FAT3: variants seen among roughly 807,000 people sequenced by gnomAD.
The protein encoded by FAT3 is protocadherin Fat 3.
A neutral mutation model predicts 310.2 loss-of-function variants in FAT3; 95 were observed. That is an observed-to-expected ratio of 0.31 (90% CI 0.26 to 0.36). The LOEUF (loss-of-function observed/expected upper bound fraction) is 0.36, where lower values mean the gene tolerates loss of function less well. Ranked by LOEUF, FAT3 falls within the 10% of genes least tolerant of loss-of-function variation. The probability of loss-of-function intolerance (pLI) is 1.00; values close to 1 mark genes in which losing one functional copy is unlikely to be tolerated. For missense variants in FAT3, 5,408 were observed against 5,715.6 expected (o/e 0.95, Z 1.74); for synonymous variants, 2,314 against 2,192.9 (o/e 1.06, Z -1.54).
chr11:92,605,183 A>C (rs1940213351), intron 3 of FAT3, among the ~76,000 whole-genome samples: 1 of 152,148 alleles, frequency 6.6e-6, no homozygotes, highest in Non-Finnish European at 1.5e-5. Context: ...GAATTCCTAC[A>C]CACTACCTAC....
At chr11:92,873,527 G>A (rs988071872) in intron 22 of FAT3, among the ~76,000 whole-genome samples, 1 of 152,174 alleles carries the variant, frequency 6.6e-6, no homozygotes, top group African/African-American at 2.4e-5. Flanking sequence ...GCCATAACCT[G>A]GATGAATCAG....
intron 2 of FAT3, chr11:92,367,153 G>T (rs1044629640): frequency 2.6e-5 from 10 of 388,922 alleles, no homozygotes; most frequent in Non-Finnish European, 5.1e-5. Context: ...CTCGTGGCCT[G>T]CTGGGCTCAG....
intron 14 of FAT3, 51 bp from the exon 15 acceptor site, chr11:92,834,819 G>A: frequency 7.0e-6 from 10 of 1,420,844 alleles, no homozygotes; most frequent in Non-Finnish European, 9.6e-6. Context: ...TAGAATTGCT[G>A]ACCAGTGTTT....
chr11:92,824,348 C>T (rs1468248718), intron 13 of FAT3, among the ~76,000 whole-genome samples: 1 of 151,876 alleles, frequency 6.6e-6, no homozygotes, highest in Admixed American at 6.6e-5. Flanking sequence ...CAGAGTGAGA[C>T]TCTGTCTCAA....
intron 2 of FAT3, among the ~76,000 whole-genome samples, chr11:92,469,058 G>A (rs1481371607): frequency 6.6e-6 from 1 of 152,220 alleles, no homozygotes; most frequent in African/African-American, 2.4e-5. Context: ...TAATTTCTCA[G>A]CATGGGTTCA....
chr11:92,291,123 G>GCACA (rs1391202263), intron 1 of FAT3, among the ~76,000 whole-genome samples: 2,835 of 144,286 alleles, frequency 0.02, 51 homozygotes, highest in African/African-American at 0.044. Context: ...ACACATGCAC[G>GCACA]CGCGCAGAAG....
chr11:92,811,273 G>T (rs996731402), intron 13 of FAT3, among the ~76,000 whole-genome samples: 2 of 152,064 alleles, frequency 1.3e-5, no homozygotes, highest in Non-Finnish European at 2.9e-5. Context: ...ATGACTTTGG[G>T]GAAAGAGAAC....
At chr11:92,489,708 A>G (rs577138917) in intron 2 of FAT3, among the ~76,000 whole-genome samples, 24 of 152,126 alleles carry the variant, frequency 1.6e-4, no homozygotes, top group Admixed American at 3.9e-4. Flanking sequence ...ATATCAAACT[A>G]TATTAGTTCC....
At chr11:92,859,376 G>T (rs1591823080) in intron 21 of FAT3, 54 bp downstream of exon 21, 2 of 1,419,768 alleles carry the variant, frequency 1.4e-6, no homozygotes, top group South Asian at 1.6e-5. Flanking sequence ...TAGTGTTTTG[G>T]CTCTTGGATT....
At chr11:92,853,794 C>G (rs1948896694) in intron 19 of FAT3, among the ~76,000 whole-genome samples, 1 of 152,102 alleles carries the variant, frequency 6.6e-6, no homozygotes, top group African/African-American at 2.4e-5. Context: ...TTTATGGGCT[C>G]AGAAGAGAGG....
At chr11:92,696,525 C>G (rs1418191002) in intron 3 of FAT3, among the ~76,000 whole-genome samples, 1 of 152,160 alleles carries the variant, frequency 6.6e-6, no homozygotes, top group Non-Finnish European at 1.5e-5. Context: ...TGATTTTTCT[C>G]TGTTCCTCCA....
chr11:92,352,664 C>T lies in FAT3; in HGVS notation c.552C>T (p.Asp184=), dbSNP rs536537428. The T allele has an allele frequency of 1.4e-4, 226 of 1,613,766 alleles. 2 individuals carry two copies. The South Asian group carries it at 1.5e-3, about 11-fold the overall frequency. Residue 184 remains aspartate, a synonymous_variant, in exon 2 of 28, where the codon GAC becomes GAT. Transcript: ENST00000525166. ...RTSVAQVTAT[D]ADIGSNGEFY... ...GTGTTGCCCAGGTGACTGCAACAGA[C>T]GCAGATATTGGTTCCAATGGAGAAT...
Position 92,720,540 on chromosome 11 carries a change from T to G in FAT3, c.3669+23095T>G, listed in dbSNP as rs116590759. Among the ~76,000 whole-genome samples, 609 of 152,342 alleles carry G rather than the reference T, an allele frequency of 4.0e-3. 3 individuals carry two copies. The highest frequency in any genetic ancestry group is 0.014 in the African/African-American group (573 of 41,576). On this transcript the variant is annotated intron_variant, in intron 4 of 27. Transcript: ENST00000525166. ...TTTCATTGAAAAACATGTCTTAACA[T>G]AGTGAACTGTTTAGCATTTGGTGAA...
chr11:92,631,191 C>T (rs1398357130), intron 3 of FAT3, among the ~76,000 whole-genome samples: 1 of 152,156 alleles, frequency 6.6e-6, no homozygotes, highest in Non-Finnish European at 1.5e-5. Context: ...TTGAACTTTA[C>T]AGTGAGTTCC....
chr11:92,776,833 G>A (rs944764303), intron 7 of FAT3, among the ~76,000 whole-genome samples: 4 of 152,038 alleles, frequency 2.6e-5, no homozygotes, highest in African/African-American at 9.7e-5. Context: ...GTACATACTT[G>A]TATGTCATTG....
Position 92,835,064 on chromosome 11 carries a change from G to C in FAT3, c.10066G>C (p.Val3356Leu). 6.2e-7 allele frequency: 1 copy of C among 1,612,780 alleles called. No homozygotes were observed. Among genetic ancestry groups the C allele is most frequent in the South Asian group, 1.1e-5 (1 of 90,752 alleles). The change falls in exon 15 of 28, where the codon GTG becomes CTG. Residue 3356 changes from valine to leucine, a missense_variant. Physicochemically the swap from Val to Leu is conservative, Grantham distance 32 (BLOSUM62 1). Around this residue, in one of 5 missense-constraint regions of FAT3, gnomAD observed 4,588 missense variants for 4,809.8 expected, o/e 0.95. Coordinates refer to ENST00000525166, the MANE Select transcript of FAT3 (RefSeq NM_001367949.2). ...TGCGGTTATCAGTGAAGACGCCTTGGTGGGAGACTCTGTCATTTTGGTAGG... is the reference window on the plus strand; with the variant it reads ...TGCGGTTATCAGTGAAGACGCCTTGCTGGGAGACTCTGTCATTTTGGTAGG... ...YSAVISEDAL[V>L]GDSVILLIAE...
chr11:92,736,276 C>T (rs1393741890), intron 4 of FAT3, among the ~76,000 whole-genome samples: 1 of 152,130 alleles, frequency 6.6e-6, no homozygotes, highest in Non-Finnish European at 1.5e-5. Context: ...CCACAGCCTA[C>T]CAGTTTTGGG....
chr11:92,794,344 GT>G (rs1407349432), intron 9 of FAT3, among the ~76,000 whole-genome samples: 1 of 151,778 alleles, frequency 6.6e-6, no homozygotes, highest in East Asian at 1.9e-4. Context: ...CCAATGTTGT[GT>G]TTTTTTCTTT....
At chr11:92,322,525 G>A (rs1947651197) in intron 1 of FAT3, among the ~76,000 whole-genome samples, 1 of 152,202 alleles carries the variant, frequency 6.6e-6, no homozygotes, top group South Asian at 2.1e-4. Flanking sequence ...TCTGTAGCAT[G>A]CGATGCTGTT....
Sources: gnomAD v4.1 joint callset for allele counts (sites outside exome capture counted in the v4.1 genomes callset) on GRCh38, gnomAD v4.1.1 for gene constraint, gnomAD v4.1.1 regional missense constraint, MANE v1.5 for transcripts, NCBI Gene and HGNC (gene_info 2026-07-23, HGNC 2026-07-21) for gene names.